Variants in SIPA1L3 observed in about 807,000 individuals in gnomAD.
SIPA1L3 encodes signal-induced proliferation-associated 1-like protein 3.
A neutral mutation model predicts 150.1 loss-of-function variants in SIPA1L3; 59 were observed. The observed-to-expected ratio is 0.39, with a 90% CI of 0.32 to 0.49. The LOEUF is 0.49. Ranked by LOEUF, SIPA1L3 falls within the 20% of genes least tolerant of loss-of-function variation. The probability of loss-of-function intolerance (pLI) is 0.86; values close to 1 mark genes in which losing one functional copy is unlikely to be tolerated. For missense variants in SIPA1L3, 2,211 were observed against 2,489.5 expected (o/e 0.89, Z 2.38); for synonymous variants, 1,070 against 1,077.6 (o/e 0.99, Z 0.14).
chr19:38,102,408 C>T (rs1432325444), intron 6 of SIPA1L3, among the ~76,000 whole-genome samples: 1 of 151,594 alleles, frequency 6.6e-6, no homozygotes, highest in Non-Finnish European at 1.5e-5. Flanking sequence ...AAACACAAGG[C>T]CTCCAGGGAT....
intron 16 of SIPA1L3, among the ~76,000 whole-genome samples, chr19:38,190,034 C>G (rs1005022990): frequency 6.6e-6 from 1 of 152,146 alleles, no homozygotes; most frequent in Non-Finnish European, 1.5e-5. Context: ...CAGACAGGAC[C>G]CTGGGAGTGT....
At chr19:38,108,938 G>A (rs985640844) in intron 7 of SIPA1L3, among the ~76,000 whole-genome samples, 2 of 151,984 alleles carry the variant, frequency 1.3e-5, no homozygotes, top group African/African-American at 4.8e-5. Context: ...GCAGTGAGCC[G>A]AGATCGCACC....
intron 1 of SIPA1L3, among the ~76,000 whole-genome samples, chr19:38,005,461 C>T (rs1967918606): frequency 6.6e-6 from 1 of 151,958 alleles, no homozygotes; most frequent in Non-Finnish European, 1.5e-5. Flanking sequence ...TCTTGGTTCT[C>T]CCACCGTGCT....
chr19:38,014,037 C>G (rs1968170066), intron 1 of SIPA1L3, among the ~76,000 whole-genome samples: 1 of 152,278 alleles, frequency 6.6e-6, no homozygotes, highest in Admixed American at 6.5e-5. Context: ...GTCACATGGC[C>G]TGCTCAGCCC....
chr19:38,206,006 C>T (rs925226096), intron 21 of SIPA1L3, 91 bp from the exon 22 acceptor site: 6 of 1,396,842 alleles, frequency 4.3e-6, no homozygotes, highest in Non-Finnish European at 4.7e-6. Context: ...AAAGCACAGC[C>T]GGGCCAGGGC....
intron 1 of SIPA1L3, among the ~76,000 whole-genome samples, chr19:37,919,555 T>C (rs1222988885): frequency 2.6e-5 from 4 of 152,148 alleles, no homozygotes; most frequent in Admixed American, 2.0e-4. Flanking sequence ...AAACACTCAC[T>C]GTGTGGTCTT....
At chr19:38,194,369 A>C in intron 18 of SIPA1L3, among the ~76,000 whole-genome samples, 4 of 135,384 alleles carry the variant, frequency 3.0e-5, no homozygotes, top group African/African-American at 8.0e-5. Context: ...CCACCTCCTA[A>C]CCCCCCCACA....
At chr19:37,994,334 G>A (rs748164420) in intron 1 of SIPA1L3, among the ~76,000 whole-genome samples, 3 of 152,216 alleles carry the variant, frequency 2.0e-5, no homozygotes, top group Non-Finnish European at 4.4e-5. Context: ...CGTAGCTCAG[G>A]TGCTCTGGGA....
intron 3 of SIPA1L3, among the ~76,000 whole-genome samples, chr19:38,084,713 C>T (rs1440301526): frequency 6.8e-6 from 1 of 147,710 alleles, no homozygotes; most frequent in Admixed American, 6.8e-5. Flanking sequence ...GATCTCAGCT[C>T]ACTGCAGCCT....
At position 38,082,756 on chromosome 19, in the gene SIPA1L3, G is replaced by A. The variant is rs200306470; in HGVS notation, c.1191G>A (p.Pro397=). Residue 397 remains proline, a synonymous_variant, in exon 3 of 22, where the codon CCG becomes CCA. Transcript: ENST00000222345. ...CCCACAGCCTCGGAGGCCTGGACCCGGCCTTCACCAGCACAGAGGACCTAA... is the reference window on the plus strand; with the variant it reads ...CCCACAGCCTCGGAGGCCTGGACCCAGCCTTCACCAGCACAGAGGACCTAA... ...SRAHSLGGLD[P]AFTSTEDLNC... 18 of 1,612,986 alleles carry A rather than the reference G, an allele frequency of 1.1e-5. No individual in the cohort carries two copies. The East Asian group carries it at 2.9e-4, about 26-fold the overall frequency.
At chr19:38,115,204 C>T (rs998350764) in intron 8 of SIPA1L3, among the ~76,000 whole-genome samples, 7 of 152,124 alleles carry the variant, frequency 4.6e-5, no homozygotes, top group Non-Finnish European at 5.9e-5. Flanking sequence ...GGGAGAGGGG[C>T]GGCCCAACAG....
At chr19:38,180,561 A>G (rs10401165) in intron 15 of SIPA1L3, among the ~76,000 whole-genome samples, 29,428 of 127,666 alleles carry the variant, frequency 0.23, 4,138 homozygotes, top group African/African-American at 0.43. Context: ...TTTTGAGACA[A>G]TTTCACTCTT....
intron 8 of SIPA1L3, among the ~76,000 whole-genome samples, chr19:38,113,788 G>GA (rs35944325): frequency 2.0e-5 from 3 of 152,080 alleles, no homozygotes; most frequent in Admixed American, 6.6e-5. Flanking sequence ...TGCAGGCACT[G>GA]AAAAAATAAT....
chr19:37,971,608 C>A (rs1966939568), intron 1 of SIPA1L3, among the ~76,000 whole-genome samples: 1 of 151,782 alleles, frequency 6.6e-6, no homozygotes, highest in African/African-American at 2.4e-5. Flanking sequence ...CTCTGTTGCC[C>A]AGGCTGGAGT....
intron 2 of SIPA1L3, among the ~76,000 whole-genome samples, chr19:38,041,141 CTG>C (rs1012801385): frequency 2.1e-5 from 3 of 142,434 alleles, no homozygotes; most frequent in Non-Finnish European, 4.5e-5. Flanking sequence ...GAGTCTCACT[CTG>C]TCACCCAGGC....
At chr19:38,151,871 G>A (rs1278327755) in intron 12 of SIPA1L3, among the ~76,000 whole-genome samples, 1 of 150,546 alleles carries the variant, frequency 6.6e-6, no homozygotes, top group Non-Finnish European at 1.5e-5. Flanking sequence ...GCTGAAGTGG[G>A]AGGATCGCTT....
Position 37,936,370 on chromosome 19 carries a change from T to C in SIPA1L3, c.-379+29012T>C, listed in dbSNP as rs368184200. Among the ~76,000 whole-genome samples the C allele has an allele frequency of 1.4e-4, 22 of 152,308 alleles. No individual in the cohort carries two copies. The East Asian group carries it at 2.3e-3, about 16-fold the overall frequency. On this transcript the variant is annotated intron_variant, in intron 1 of 21. Transcript: ENST00000222345. ...GTAAACAGAGACAGCATACATTCAC[T>C]TATCAACTGTTTAGTAAATTCCTGG...
rs576954268 is a variant in SIPA1L3, at chr19:37,910,654, G to C, written c.-379+3296G>C. On this transcript the variant is annotated intron_variant, in intron 1 of 21. Transcript: ENST00000222345. ...GAGTCTTGCTCTGTGGCCCAGGCTG[G>C]AGTGCAGTGGCACGATCTCAGCTCA... Among the ~76,000 whole-genome samples, 7 of 152,266 alleles carry C rather than the reference G, an allele frequency of 4.6e-5. No individual in the cohort carries two copies. In the East Asian group the frequency reaches 1.3e-3, roughly 29 times the overall value.
At chr19:38,030,558 A>G (rs1199322591) in intron 2 of SIPA1L3, among the ~76,000 whole-genome samples, 1 of 148,882 alleles carries the variant, frequency 6.7e-6, no homozygotes, top group Admixed American at 6.7e-5. Flanking sequence ...AAATACATAC[A>G]TACATACACA....
Sources: allele counts gnomAD v4.1 joint callset (sites outside exome capture counted in the v4.1 genomes callset), GRCh38; gene constraint gnomAD v4.1.1; transcripts MANE v1.5; gene names NCBI Gene and HGNC (gene_info 2026-07-23, HGNC 2026-07-21).